PID1: variants seen among roughly 807,000 people sequenced by gnomAD.
PID1 encodes phosphotyrosine interaction domain containing 1, also known as PTB-containing, cubilin and LRP1-interacting protein.
PID1 carries 10 observed loss-of-function variants against 19.1 expected under a neutral mutation model. That is an observed-to-expected ratio of 0.52 (90% CI 0.32 to 0.89). PID1 has a LOEUF of 0.89. Among genes scored for constraint, PID1 ranks in the 40% least tolerant of loss-of-function variants. PID1 has a pLI of 0.03. For missense variants in PID1, 248 were observed against 285.3 expected (o/e 0.87, Z 0.94); for synonymous variants, 130 against 116.0 (o/e 1.12, Z -0.78).
intron 2 of PID1, among the ~76,000 whole-genome samples, chr2:229,083,278 T>C (rs1202299846): frequency 6.6e-6 from 1 of 152,328 alleles, no homozygotes; most frequent in African/African-American, 2.4e-5. Flanking sequence ...GAGTGGCTAA[T>C]GTATACCAAG....
intron 1 of PID1, among the ~76,000 whole-genome samples, chr2:229,214,436 T>C (rs1006797221): frequency 6.6e-6 from 1 of 152,126 alleles, no homozygotes. Flanking sequence ...ACTCACTTCT[T>C]AAGAAGTAGA....
chr2:229,235,304 G>A (rs1305398034), intron 1 of PID1, among the ~76,000 whole-genome samples: 1 of 152,184 alleles, frequency 6.6e-6, no homozygotes. Context: ...CAGAGCCTGA[G>A]GCAGAGCAGA....
At chr2:229,264,020 A>G (rs1345205227) in intron 1 of PID1, among the ~76,000 whole-genome samples, 1 of 152,236 alleles carries the variant, frequency 6.6e-6, no homozygotes, top group Non-Finnish European at 1.5e-5. Context: ...TGGAAAAGTA[A>G]AAATCACCAA....
chr2:229,154,971 G>C (rs1248516037), intron 2 of PID1, among the ~76,000 whole-genome samples: 1 of 152,088 alleles, frequency 6.6e-6, no homozygotes, highest in African/African-American at 2.4e-5. Flanking sequence ...TTCCACGTTG[G>C]CATTAAAGTT....
At chr2:229,035,454 C>A (rs201663875) in intron 2 of PID1, among the ~76,000 whole-genome samples, 5 of 151,994 alleles carry the variant, frequency 3.3e-5, no homozygotes, top group African/African-American at 9.7e-5. Flanking sequence ...CTCTCCACCC[C>A]CCTCCTTCCC....
intron 2 of PID1, among the ~76,000 whole-genome samples, chr2:229,136,247 C>T (rs1433990651): frequency 6.6e-6 from 1 of 152,144 alleles, no homozygotes; most frequent in Non-Finnish European, 1.5e-5. Flanking sequence ...CACCAACAAT[C>T]ACCTGAACGA....
chr2:229,205,417 A>G lies in PID1; in HGVS notation c.31-49453T>C, dbSNP rs565216472. On this transcript the variant is annotated intron_variant, in intron 1 of 2. Coordinates refer to ENST00000392055, the MANE Select transcript of PID1 (RefSeq NM_001100818.2). Reference sequence around the variant, plus strand: ...GCAATAATTAACACTTTTATCTACCAATTAAAACCTGCCGCAAATTCACAT... The same window carrying G: ...GCAATAATTAACACTTTTATCTACCGATTAAAACCTGCCGCAAATTCACAT... 7.2e-5 allele frequency among the ~76,000 whole-genome samples: 11 copies of G among 152,248 alleles called. No individual in the cohort carries two copies. In the East Asian group the frequency reaches 2.1e-3, roughly 29 times the overall value.
chr2:229,266,576 T>C (rs1164565919), intron 1 of PID1, among the ~76,000 whole-genome samples: 1 of 152,188 alleles, frequency 6.6e-6, no homozygotes, highest in Non-Finnish European at 1.5e-5. Flanking sequence ...AACATGTACA[T>C]TGCACTGTGC....
At chr2:229,234,706 T>C (rs545049400) in intron 1 of PID1, among the ~76,000 whole-genome samples, 109 of 152,250 alleles carry the variant, frequency 7.2e-4, no homozygotes, top group Middle Eastern at 3.4e-3. Flanking sequence ...TGGGGGGCCA[T>C]TTGCCTACTA....
At chr2:229,055,837 A>C (rs1318210781) in intron 2 of PID1, among the ~76,000 whole-genome samples, 1 of 152,204 alleles carries the variant, frequency 6.6e-6, no homozygotes, top group Admixed American at 6.5e-5. Flanking sequence ...AGTGCTTTAA[A>C]AGTTTCCAAA....
chr2:229,224,145 G>A lies in PID1; in HGVS notation c.30+46869C>T, dbSNP rs184082974. On this transcript the variant is annotated intron_variant, in intron 1 of 2. Coordinates refer to ENST00000392055, the MANE Select transcript of PID1 (RefSeq NM_001100818.2). ...TTTGTATGGCTATGTAGTATTCCAA[G>A]GTCAGAATAGCTATTATTAAAAAGT... 2.3e-3 allele frequency among the ~76,000 whole-genome samples: 350 copies of A among 152,250 alleles called. 1 individual carries two copies. The highest frequency in any genetic ancestry group is 0.014 in the Middle Eastern group (4 of 294).
At chr2:229,038,769 C>T (rs1350576769) in intron 2 of PID1, among the ~76,000 whole-genome samples, 1 of 152,104 alleles carries the variant, frequency 6.6e-6, no homozygotes, top group East Asian at 1.9e-4. Flanking sequence ...CCACTCTCTC[C>T]CTTTATGAGG....
At chr2:229,205,609 C>T (rs1261577498) in intron 1 of PID1, among the ~76,000 whole-genome samples, 2 of 152,068 alleles carry the variant, frequency 1.3e-5, no homozygotes, top group Non-Finnish European at 2.9e-5. Flanking sequence ...GATATTCTTT[C>T]TCCATATTAT....
chr2:229,237,026 T>C (rs907616264), intron 1 of PID1, among the ~76,000 whole-genome samples: 1 of 138,300 alleles, frequency 7.2e-6, no homozygotes, highest in Non-Finnish European at 1.6e-5. Flanking sequence ...ACACACACAC[T>C]GACTTCTAAT....
intron 2 of PID1, among the ~76,000 whole-genome samples, chr2:229,058,257 T>G (rs900095853): frequency 1.3e-5 from 2 of 152,234 alleles, no homozygotes; most frequent in African/African-American, 2.4e-5. Context: ...CTGACAGCTT[T>G]CAGTATGTTC....
chr2:229,072,993 G>A (rs749150103), intron 2 of PID1, among the ~76,000 whole-genome samples: 3 of 152,122 alleles, frequency 2.0e-5, no homozygotes, highest in Non-Finnish European at 4.4e-5. Flanking sequence ...CCTAAAATGA[G>A]GTTATCCTCA....
At chr2:229,200,920 C>A (rs895277970) in intron 1 of PID1, among the ~76,000 whole-genome samples, 2 of 151,994 alleles carry the variant, frequency 1.3e-5, no homozygotes, top group Non-Finnish European at 2.9e-5. Context: ...ATGGAGAACA[C>A]AATGCAGAAT....
intron 1 of PID1, among the ~76,000 whole-genome samples, chr2:229,209,915 C>A (rs1691690151): frequency 6.6e-6 from 1 of 152,062 alleles, no homozygotes; most frequent in Non-Finnish European, 1.5e-5. Context: ...TGATAGCAGG[C>A]TACCATGATA....
intron 2 of PID1, among the ~76,000 whole-genome samples, chr2:229,076,416 T>C (rs1694558794): frequency 6.6e-6 from 1 of 152,158 alleles, no homozygotes; most frequent in South Asian, 2.1e-4. Context: ...GATTATACTT[T>C]AAGTTCTGGG....
Sources: allele counts gnomAD v4.1 joint callset (sites outside exome capture counted in the v4.1 genomes callset), GRCh38; gene constraint gnomAD v4.1.1; transcripts MANE v1.5; gene names NCBI Gene and HGNC (gene_info 2026-07-23, HGNC 2026-07-21).